The following SPAG9 variants were observed in gnomAD, a reference collection of about 807,000 sequenced individuals.
SPAG9 encodes the protein C-Jun-amino-terminal kinase-interacting protein 4.
Under a neutral mutation model 166.5 loss-of-function variants are expected in SPAG9, and 35 were observed. The ratio of observed to expected loss-of-function variants is 0.21; its 90% confidence interval spans 0.16 to 0.28. SPAG9 has a LOEUF of 0.28. SPAG9 is among the 10% of genes least tolerant of loss of function. The probability of loss-of-function intolerance (pLI) is 1.00; values close to 1 mark genes in which losing one functional copy is unlikely to be tolerated. For synonymous variants in SPAG9, 534 were observed against 565.5 expected (o/e 0.94, Z 0.79); for missense variants, 1,235 against 1,603.3 (o/e 0.77, Z 3.92).
rs572803164 is a variant in SPAG9 at position 51,041,519 on chromosome 17, A to C, written c.723T>G (p.Arg241=). The C allele has an allele frequency of 8.7e-6, 14 of 1,613,880 alleles. No individual in the cohort carries two copies. Among genetic ancestry groups the C allele is most frequent in the South Asian group, 7.7e-5 (7 of 91,044 alleles). ...QWKFQELSQP[R]SHTSLKVSNS... is the part of the protein sequence containing the mutation. ...AGCTTACCTTCAGGCTGGTATGAGAACGTGGTTGACTTAATTCCTGAAATT... is the reference window on the plus strand; with the variant it reads ...AGCTTACCTTCAGGCTGGTATGAGACCGTGGTTGACTTAATTCCTGAAATT... Residue 241 remains arginine, a synonymous_variant, in exon 5 of 30, where the codon CGT becomes CGG. Transcript: ENST00000262013.
At chr17:51,007,863 T>A in intron 9 of SPAG9, 1 of 449,796 alleles carries the variant, frequency 2.2e-6, no homozygotes, top group East Asian at 7.0e-5. Context: ...TTAAAGCCCA[T>A]GCATTCCATG....
In SPAG9 at chr17:51,070,391, T is replaced by C. The variant is rs150776149; in HGVS notation, c.424+9193A>G. On this transcript the variant is annotated intron_variant, in intron 2 of 29. Coordinates refer to ENST00000262013, the MANE Select transcript of SPAG9 (RefSeq NM_001130528.3). ...ACTAACCCTTACTTCTCCAATTCTA[T>C]TGACATTAGAAATGGCCAAACTATT... Among the ~76,000 whole-genome samples, 98 of 152,318 alleles carry C rather than the reference T, an allele frequency of 6.4e-4. 2 individuals carry two copies. The Middle Eastern group carries it at 0.017, about 26-fold the overall frequency.
At chr17:51,092,492 A>C (rs1365366111) in intron 1 of SPAG9, among the ~76,000 whole-genome samples, 1 of 152,150 alleles carries the variant, frequency 6.6e-6, no homozygotes, top group Non-Finnish European at 1.5e-5. Context: ...TTAAGTATTA[A>C]ATATTATTAA....
At chr17:50,994,071 C>G (rs1975855547) in intron 18 of SPAG9, 136 bp from the exon 19 acceptor site, 1 of 857,656 alleles carries the variant, frequency 1.2e-6, no homozygotes, top group Non-Finnish European at 1.8e-6. Flanking sequence ...AATACAACCA[C>G]TGATGTGGTT....
At chr17:51,021,901 GA>G (rs1401712982) in intron 6 of SPAG9, among the ~76,000 whole-genome samples, 20 of 152,098 alleles carry the variant, frequency 1.3e-4, no homozygotes, top group Non-Finnish European at 2.9e-5. Flanking sequence ...GAGGCAGGCG[GA>G]TCACGAGGTC....
intron 4 of SPAG9, among the ~76,000 whole-genome samples, chr17:51,045,479 G>T (rs897777378): frequency 7.9e-5 from 12 of 151,662 alleles, no homozygotes; most frequent in Non-Finnish European, 1.5e-4. Flanking sequence ...TTAATTTCTG[G>T]GCTTTCAACT....
intron 2 of SPAG9, among the ~76,000 whole-genome samples, chr17:51,059,246 G>A (rs956575726): frequency 1.3e-5 from 2 of 152,158 alleles, no homozygotes; most frequent in Admixed American, 6.5e-5. Flanking sequence ...ATTTATGCCT[G>A]TATAGCCCCA....
At chr17:51,062,893 T>G (rs1350869003) in intron 2 of SPAG9, among the ~76,000 whole-genome samples, 1 of 151,766 alleles carries the variant, frequency 6.6e-6, no homozygotes, top group East Asian at 2.0e-4. Flanking sequence ...CACAACCTAC[T>G]CCACGTCTTT....
chr17:50,976,411 T>C (rs1249268795), intron 27 of SPAG9, among the ~76,000 whole-genome samples: 3 of 152,206 alleles, frequency 2.0e-5, no homozygotes, highest in Non-Finnish European at 2.9e-5. Context: ...TGCTTTCTTT[T>C]AAAGGCTTCC....
Position 50,993,821 on chromosome 17 carries a change from T to C in SPAG9, c.2341A>G (p.Ile781Val). 6.2e-7 allele frequency: 1 copy of C among 1,614,168 alleles called. No individual in the cohort carries two copies. Among genetic ancestry groups the C allele is most frequent in the Non-Finnish European group, 8.5e-7 (1 of 1,180,030 alleles). ...LIIDAVQPGN[I>V]LDSFTVCNSH... ...TTGCAAACAGTGAAACTGTCTAGGA[T>C]GTTGCCAGGTTGAACAGCATCAATA... The change falls in exon 19 of 30, where the codon ATC (isoleucine) becomes GTC (valine). Residue 781 changes from isoleucine (I) to valine (V), a missense_variant. Ile to Val is a conservative substitution (Grantham distance 29, BLOSUM62 3). Transcript: ENST00000262013.
At position 50,998,484 on chromosome 17, in the gene SPAG9, G is replaced by A; in HGVS notation, c.1798C>T (p.Pro600Ser). 1.2e-6 allele frequency: 2 copies of A among 1,614,066 alleles called. No homozygotes were observed. Among genetic ancestry groups the A allele is most frequent in the South Asian group, 2.2e-5 (2 of 91,086 alleles). ...TCAAAGGCTTTGGACTTATCCCCAG[G>A]GAGCTGAGATAAGGTGCTGCTTCTT... is the stretch of plus-strand genomic sequence containing the variant. Reference protein sequence around the residue: ...KKRSSTLSQLPGDKSKAFDFL... With the variant: ...KKRSSTLSQLSGDKSKAFDFL... Residue 600 changes from proline (P) to serine (S), a missense_variant, in exon 15 of 30, where the codon CCT becomes TCT. Transcript: ENST00000262013.
intron 6 of SPAG9, among the ~76,000 whole-genome samples, chr17:51,025,329 A>T (rs1156979395): frequency 5.4e-5 from 7 of 130,348 alleles, no homozygotes; most frequent in Admixed American, 5.1e-4. Context: ...AAAAAAAAAA[A>T]AAAAAAAAAA....
At position 50,964,691 on chromosome 17, in the gene SPAG9, C is replaced by T. The variant is rs1434842804; in HGVS notation, c.*1581G>A. On this transcript the variant is annotated 3_prime_UTR_variant, in exon 30 of 30. Transcript: ENST00000262013. ...CTTGAGAGGGAAAAAATTGCAGCAT[C>T]GTGGTTTTAAAAAACTTATTAAGCA... 7 of 445,806 alleles carry T rather than the reference C, an allele frequency of 1.6e-5. No homozygotes were observed. The highest frequency in any genetic ancestry group is 3.2e-5 in the Non-Finnish European group (7 of 221,862). 27.6% of individuals were successfully genotyped at this position (445,806 alleles called of 1,614,324 possible). A position where few individuals can be genotyped will look rare whatever the true frequency, so the allele number is the denominator to read the frequency against.
At chr17:51,014,122 A>G (rs2045602991) in intron 9 of SPAG9, 110 bp downstream of exon 9, 2 of 879,470 alleles carry the variant, frequency 2.3e-6, no homozygotes, top group East Asian at 5.7e-5. Context: ...AAAGGGCAAT[A>G]ACCCTGTATC....
At chr17:51,103,180 A>G (rs964346184) in intron 1 of SPAG9, among the ~76,000 whole-genome samples, 3 of 152,186 alleles carry the variant, frequency 2.0e-5, no homozygotes, top group Non-Finnish European at 4.4e-5. Context: ...GAATGCACAA[A>G]GAGAACTTTA....
chr17:51,015,045 C>T (rs958508108), intron 8 of SPAG9, among the ~76,000 whole-genome samples: 3 of 151,710 alleles, frequency 2.0e-5, no homozygotes, highest in African/African-American at 7.3e-5. Context: ...AACTCAGAAG[C>T]TCAACTAAAA....
At chr17:50,966,554 C>T (rs1229135392) in intron 29 of SPAG9, among the ~76,000 whole-genome samples, 167 bp from the exon 30 acceptor site, 1 of 152,138 alleles carries the variant, frequency 6.6e-6, no homozygotes. Flanking sequence ...GAATCCTCAC[C>T]CATATTCACC....
rs191486369 is a variant in SPAG9, at chr17:50,997,794, C to T, written c.1838+650G>A. Reference sequence around the variant, plus strand: ...TGAGTAGTAAAGTCAGGATGGAAAACCAAGTCCTCTGACACCAACAGAAAT... The same window carrying T: ...TGAGTAGTAAAGTCAGGATGGAAAATCAAGTCCTCTGACACCAACAGAAAT... On this transcript the variant is annotated intron_variant, in intron 15 of 29. Transcript: ENST00000262013. 1.2e-3 allele frequency among the ~76,000 whole-genome samples: 190 copies of T among 152,124 alleles called. 4 individuals are homozygous for T. Among genetic ancestry groups the T allele is most frequent in the East Asian group, 9.1e-3 (47 of 5,172 alleles).
rs1973214522 is a variant in SPAG9, at chr17:50,963,545, T to C, written c.*2727A>G. 6.6e-6 allele frequency: 1 copy of C among 152,228 alleles called. No individual in the cohort carries two copies. Among genetic ancestry groups the C allele is most frequent in the Admixed American group, 6.5e-5 (1 of 15,284 alleles). The allele number at this position is 152,228 out of a possible 1,614,324, so 9.4% of individuals were successfully genotyped here. On this transcript the variant is annotated 3_prime_UTR_variant, in exon 30 of 30. Transcript: ENST00000262013. ...CCACAGATAATCTGACATCTTTAGATAAAACAACTACACACCTATATTACT... is the reference window on the plus strand; with the variant it reads ...CCACAGATAATCTGACATCTTTAGACAAAACAACTACACACCTATATTACT...
Sources: allele counts gnomAD v4.1 joint callset (sites outside exome capture counted in the v4.1 genomes callset), GRCh38; gene constraint gnomAD v4.1.1; transcripts MANE v1.5; gene names NCBI Gene and HGNC (gene_info 2026-07-23, HGNC 2026-07-21).